Variants in TRIM9 observed in about 807,000 individuals in gnomAD.
TRIM9 encodes the protein tripartite motif containing 9, also known as E3 ubiquitin-protein ligase TRIM9.
Under a neutral mutation model 78.3 loss-of-function variants are expected in TRIM9, and 26 were observed. That is an observed-to-expected ratio of 0.33 (90% CI 0.24 to 0.46). The LOEUF is 0.46. TRIM9 is among the 20% of genes least tolerant of loss of function. The pLI, the probability that TRIM9 is intolerant of heterozygous loss-of-function variation, is 1.00. For missense variants in TRIM9, 787 were observed against 1,036.4 expected, an observed-to-expected ratio of 0.76 and a Z score of 3.30; for synonymous variants, 398 against 416.5, an observed-to-expected ratio of 0.96 and a Z score of 0.54.
chr14:51,031,056 GA>G (rs1376749781), intron 1 of TRIM9, among the ~76,000 whole-genome samples: 4 of 138,680 alleles, frequency 2.9e-5, no homozygotes, highest in African/African-American at 1.1e-4. Context: ...GCTTAGGCAG[GA>G]AAATCGCTTG....
chr14:50,995,528 T>C (rs1457201785), intron 7 of TRIM9, among the ~76,000 whole-genome samples: 1 of 152,194 alleles, frequency 6.6e-6, no homozygotes, highest in African/African-American at 2.4e-5. Flanking sequence ...TAACGTTACC[T>C]TTAGATCAGC....
At chr14:51,026,205 A>G (rs1328422661) in intron 1 of TRIM9, among the ~76,000 whole-genome samples, 1 of 152,086 alleles carries the variant, frequency 6.6e-6, no homozygotes, top group Non-Finnish European at 1.5e-5. Context: ...CAGCCTCTCC[A>G]CTGTGGTTCC....
chr14:51,057,996 G>A (rs934199977), intron 1 of TRIM9, among the ~76,000 whole-genome samples: 4 of 152,138 alleles, frequency 2.6e-5, no homozygotes, highest in Admixed American at 6.6e-5. Flanking sequence ...TAACAAACCC[G>A]ATTATTTAGC....
chr14:51,029,395 C>T (rs925465763), intron 1 of TRIM9, among the ~76,000 whole-genome samples: 2 of 152,098 alleles, frequency 1.3e-5, no homozygotes, highest in African/African-American at 2.4e-5. Context: ...ATTCAGGCAC[C>T]GCAACACCAC....
At chr14:51,031,453 C>G (rs1039432547) in intron 1 of TRIM9, among the ~76,000 whole-genome samples, 29 of 152,168 alleles carry the variant, frequency 1.9e-4, no homozygotes, top group African/African-American at 6.8e-4. Flanking sequence ...AGGGGTCTAA[C>G]TTCAATAAGC....
chr14:51,046,412 G>T (rs1315837284), intron 1 of TRIM9, among the ~76,000 whole-genome samples: 1 of 152,188 alleles, frequency 6.6e-6, no homozygotes, highest in Non-Finnish European at 1.5e-5. Flanking sequence ...CAGCAATATT[G>T]TTACACTGTA....
At chr14:50,990,463 T>C (rs1402739059) in intron 7 of TRIM9, among the ~76,000 whole-genome samples, 2 of 152,192 alleles carry the variant, frequency 1.3e-5, no homozygotes, top group Non-Finnish European at 2.9e-5. Flanking sequence ...AAAATCAGTG[T>C]CATATATTAT....
In TRIM9 at chr14:50,976,252, AG is replaced by A. The variant is rs1022296228; in HGVS notation, c.*1038del. The A allele has an allele frequency of 3.3e-5, 5 of 152,602 alleles. No homozygotes were observed. Among genetic ancestry groups the A allele is most frequent in the African/African-American group, 1.2e-4 (5 of 41,436 alleles). 9.5% of individuals were successfully genotyped at this position (152,602 alleles called of 1,614,324 possible). On this transcript the variant is annotated 3_prime_UTR_variant, in exon 13 of 13. Transcript: ENST00000684578. ...CCATAATTAAATAGTGCAGCTGAAA[AG>A]GCATTGAGTTGGTACATTTCTGGTG...
chr14:51,048,884 T>TGAGGCAGGAGAATGGTGTG (rs2060162105), intron 1 of TRIM9, among the ~76,000 whole-genome samples: 2 of 150,552 alleles, frequency 1.3e-5, no homozygotes, highest in South Asian at 4.2e-4. Context: ...CTCGGGAGGC[T>TGAGGCAGGAGAATGGTGTG]GAGGCAGGAG....
At chr14:50,977,607 G>A (rs1033434409) in intron 12 of TRIM9, among the ~76,000 whole-genome samples, 3 of 152,104 alleles carry the variant, frequency 2.0e-5, no homozygotes, top group African/African-American at 7.2e-5. Context: ...AAAGGATTCC[G>A]GGGAGATTGT....
At chr14:51,058,604 T>C (rs1270138963) in intron 1 of TRIM9, among the ~76,000 whole-genome samples, 1 of 152,004 alleles carries the variant, frequency 6.6e-6, no homozygotes, top group Non-Finnish European at 1.5e-5. Context: ...ACTGGGGTGG[T>C]GCGCTGGTGA....
chr14:51,085,990 C>T (rs951545442), intron 1 of TRIM9, among the ~76,000 whole-genome samples: 1 of 152,198 alleles, frequency 6.6e-6, no homozygotes, highest in Non-Finnish European at 1.5e-5. Flanking sequence ...GAATATTCAA[C>T]ATACTTGTCA....
intron 1 of TRIM9, among the ~76,000 whole-genome samples, chr14:51,075,508 C>T (rs2062689954): frequency 6.6e-6 from 1 of 152,132 alleles, no homozygotes; most frequent in Non-Finnish European, 1.5e-5. Context: ...CATTTACAAT[C>T]CAATCTAGTT....
chr14:51,073,514 C>T (rs1428493338), intron 1 of TRIM9, among the ~76,000 whole-genome samples: 1 of 152,186 alleles, frequency 6.6e-6, no homozygotes, highest in Non-Finnish European at 1.5e-5. Flanking sequence ...ATCCAAAAAA[C>T]ATATCTTTGA....
At chr14:51,051,515 A>G (rs1596271343) in intron 1 of TRIM9, among the ~76,000 whole-genome samples, 2 of 152,220 alleles carry the variant, frequency 1.3e-5, no homozygotes, top group East Asian at 3.8e-4. Flanking sequence ...CTACATGTTA[A>G]GGATGGGAGA....
intron 1 of TRIM9, among the ~76,000 whole-genome samples, chr14:51,046,038 G>A (rs149626673): frequency 1.7e-3 from 265 of 152,084 alleles, no homozygotes; most frequent in African/African-American, 5.8e-3. Flanking sequence ...TATAATGTTC[G>A]TTGGAAAAAA....
chr14:50,995,773 G>GA (rs71121617), intron 7 of TRIM9, among the ~76,000 whole-genome samples: 12,027 of 147,704 alleles, frequency 0.081, 612 homozygotes, highest in Middle Eastern at 0.18. Flanking sequence ...TACCAGCAAA[G>GA]AAAAAAAAAA....
At chr14:51,091,945 A>G (rs986832953) in intron 1 of TRIM9, among the ~76,000 whole-genome samples, 10 of 152,174 alleles carry the variant, frequency 6.6e-5, no homozygotes, top group African/African-American at 2.4e-4. Flanking sequence ...CAGAGATTTA[A>G]AGGTTTCTTT....
intron 1 of TRIM9, among the ~76,000 whole-genome samples, chr14:51,033,152 C>T (rs914814428): frequency 1.3e-4 from 20 of 152,252 alleles, no homozygotes; most frequent in African/African-American, 1.7e-4. Flanking sequence ...TGCAGTGGTA[C>T]GATCTCAGCT....
Sources: allele counts gnomAD v4.1 joint callset (sites outside exome capture counted in the v4.1 genomes callset), GRCh38; gene constraint gnomAD v4.1.1; transcripts MANE v1.5; gene names NCBI Gene and HGNC (gene_info 2026-07-23, HGNC 2026-07-21).